DCDC1: variants seen among roughly 807,000 people sequenced by gnomAD.
DCDC1 encodes doublecortin domain containing 1.
DCDC1 carries 200 observed loss-of-function variants against 178.3 expected under a neutral mutation model. The ratio of observed to expected loss-of-function variants is 1.12; its 90% CI spans 1.00 to 1.26. The LOEUF (loss-of-function observed/expected upper bound fraction) is 1.26. DCDC1 is among the 50% of genes most tolerant of loss of function. The pLI, the probability that DCDC1 is intolerant of heterozygous loss-of-function variation, is 0.00. For synonymous variants in DCDC1, 690 were observed against 604.8 expected, an observed-to-expected ratio of 1.14 and a Z score of -2.07; for missense variants, 1,983 against 1,749.2, an observed-to-expected ratio of 1.13 and a Z score of -2.38.
chr11:31,328,236 C>CT lies in DCDC1; in HGVS notation c.44dup (p.Ser16ValfsTer8). 6.2e-7 allele frequency: 1 copy of CT among 1,604,756 alleles called. No individual in the cohort carries two copies. Among genetic ancestry groups the CT allele is most frequent in the Non-Finnish European group, 8.5e-7 (1 of 1,173,978 alleles). On this transcript the variant is annotated frameshift_variant, in exon 3 of 39. Transcript: ENST00000684477. LOFTEE classifies it high-confidence loss of function. Reference sequence around the variant, plus strand: ...CTTCAGTCAAGAGGGATAAGGAAGACTGAGATAGTGCTTCTCTGTGATCTT... The same window carrying CT: ...CTTCAGTCAAGAGGGATAAGGAAGACTTGAGATAGTGCTTCTCTGTGATCTT...
At chr11:30,971,017 CCACA>C (rs376043290) in intron 20 of DCDC1, among the ~76,000 whole-genome samples, 5 of 152,022 alleles carry the variant, frequency 3.3e-5, no homozygotes, top group African/African-American at 1.2e-4. Flanking sequence ...GCTGGTGCGC[CCACA>C]CACACACAAA....
chr11:31,233,823 G>A (rs1258501752), intron 9 of DCDC1, among the ~76,000 whole-genome samples: 2 of 152,156 alleles, frequency 1.3e-5, no homozygotes, highest in Non-Finnish European at 2.9e-5. Flanking sequence ...TATAAATGGA[G>A]TATCTGACCG....
chr11:31,139,414 C>A (rs1443890505), intron 9 of DCDC1, among the ~76,000 whole-genome samples: 1 of 152,152 alleles, frequency 6.6e-6, no homozygotes. Flanking sequence ...CACATGGAAG[C>A]CTAGGTGTGA....
chr11:31,209,833 A>T (rs1972288686), intron 9 of DCDC1, among the ~76,000 whole-genome samples: 1 of 152,226 alleles, frequency 6.6e-6, no homozygotes, highest in African/African-American at 2.4e-5. Flanking sequence ...AGGATAAAGG[A>T]ACAAGCATGA....
At chr11:31,183,904 A>G (rs1011395631) in intron 9 of DCDC1, among the ~76,000 whole-genome samples, 2 of 152,222 alleles carry the variant, frequency 1.3e-5, no homozygotes, top group Non-Finnish European at 2.9e-5. Context: ...TCAAGCTATC[A>G]TTGACTTTCT....
chr11:30,964,437 T>A (rs1377810336), intron 20 of DCDC1, among the ~76,000 whole-genome samples: 1 of 152,124 alleles, frequency 6.6e-6, no homozygotes, highest in South Asian at 2.1e-4. Context: ...ATGGCATAGA[T>A]CTTTTTGCCT....
Position 30,906,584 on chromosome 11 carries a change from T to C in DCDC1, c.4060A>G (p.Lys1354Glu). Residue 1354 changes from lysine to glutamate, a missense_variant, in exon 30 of 39, where the codon AAG becomes GAG. Physicochemically the swap from Lys to Glu is moderately conservative, Grantham distance 56 (BLOSUM62 1). Coordinates refer to ENST00000684477, the MANE Select transcript of DCDC1 (RefSeq NM_001387274.1). ...TTGAAGGGCCCTTGTAAGAAGGGCTTCTGAGTCTTGGTGCCTGAAATACAG... is the reference window on the plus strand; with the variant it reads ...TTGAAGGGCCCTTGTAAGAAGGGCTCCTGAGTCTTGGTGCCTGAAATACAG... ...FLCISGTKTQ[K>E]PFLQGPFKVI... 1 of 1,613,360 alleles carries C rather than the reference T, an allele frequency of 6.2e-7. No homozygotes were observed. Among genetic ancestry groups the C allele is most frequent in the Non-Finnish European group, 8.5e-7 (1 of 1,179,632 alleles).
At chr11:31,037,236 T>A (rs1199360649) in intron 20 of DCDC1, among the ~76,000 whole-genome samples, 7 of 152,142 alleles carry the variant, frequency 4.6e-5, no homozygotes, top group African/African-American at 1.7e-4. Context: ...GGCGCCATAT[T>A]GAAAAGGCAT....
chr11:31,010,967 A>T (rs1952132403), intron 20 of DCDC1, among the ~76,000 whole-genome samples: 1 of 152,152 alleles, frequency 6.6e-6, no homozygotes, highest in Non-Finnish European at 1.5e-5. Flanking sequence ...TATATTTTTT[A>T]AAAAACCTAC....
At chr11:31,028,016 T>G (rs1456312225) in intron 20 of DCDC1, among the ~76,000 whole-genome samples, 1 of 151,804 alleles carries the variant, frequency 6.6e-6, no homozygotes, top group African/African-American at 2.4e-5. Flanking sequence ...GCATATCTCA[T>G]AGATATGCCC....
At chr11:31,027,220 G>A (rs900071118) in intron 20 of DCDC1, among the ~76,000 whole-genome samples, 3 of 151,692 alleles carry the variant, frequency 2.0e-5, no homozygotes, top group Non-Finnish European at 4.4e-5. Flanking sequence ...TGTGCTTAAG[G>A]TCCAATTTTA....
chr11:31,145,826 T>C (rs1321399603), intron 9 of DCDC1, among the ~76,000 whole-genome samples: 2 of 152,198 alleles, frequency 1.3e-5, no homozygotes, highest in East Asian at 3.8e-4. Context: ...GCCAGCTTAT[T>C]ACCCTAAATA....
intron 15 of DCDC1, among the ~76,000 whole-genome samples, chr11:31,099,723 T>TG (rs1477881506): frequency 3.1e-5 from 2 of 64,574 alleles, no homozygotes; most frequent in Non-Finnish European, 7.5e-5. Flanking sequence ...TGTTTGTTGT[T>TG]TTTTTTTTTT....
chr11:31,291,698 T>C lies in DCDC1; in HGVS notation c.755-846A>G, dbSNP rs143911464. ...ATTTTAATCATATTTTCTTCTTACA[T>C]AAATTACAAAAATACAATGATCCCT... On this transcript the variant is annotated intron_variant, in intron 6 of 38. Transcript: ENST00000684477. Among the ~76,000 whole-genome samples, 574 of 152,232 alleles carry C rather than the reference T, an allele frequency of 3.8e-3. 4 individuals are homozygous for C. Among genetic ancestry groups the C allele is most frequent in the African/African-American group, 0.013 (552 of 41,578 alleles).
chr11:31,066,535 T>C (rs1004487179), intron 18 of DCDC1, among the ~76,000 whole-genome samples: 5 of 152,210 alleles, frequency 3.3e-5, no homozygotes, highest in Admixed American at 6.6e-5. Context: ...CTAAGGTACT[T>C]ACATTGTTCT....
chr11:31,113,237 C>A (rs1959243658), intron 11 of DCDC1, among the ~76,000 whole-genome samples: 1 of 152,152 alleles, frequency 6.6e-6, no homozygotes, highest in Non-Finnish European at 1.5e-5. Flanking sequence ...ACATTTTTTA[C>A]TGCATTGTGT....
chr11:31,153,655 C>A (rs532944343), intron 9 of DCDC1, among the ~76,000 whole-genome samples: 2 of 151,900 alleles, frequency 1.3e-5, no homozygotes, highest in African/African-American at 2.4e-5. Flanking sequence ...TGGTGGTGGG[C>A]GCCTGTAATC....
At chr11:30,871,536 C>T (rs1822812310) in intron 38 of DCDC1, among the ~76,000 whole-genome samples, 1 of 152,178 alleles carries the variant, frequency 6.6e-6, no homozygotes. Flanking sequence ...GTTCTCTTTA[C>T]TGGCTTCCCA....
At chr11:31,348,674 A>G (rs1020915399) in intron 1 of DCDC1, among the ~76,000 whole-genome samples, 18 of 152,320 alleles carry the variant, frequency 1.2e-4, no homozygotes, top group African/African-American at 4.3e-4. Context: ...TTGTCAAAGT[A>G]GATAATGACT....
Sources: allele counts gnomAD v4.1 joint callset (sites outside exome capture counted in the v4.1 genomes callset), GRCh38; gene constraint gnomAD v4.1.1; transcripts MANE v1.5; gene names NCBI Gene and HGNC (gene_info 2026-07-23, HGNC 2026-07-21).